KIR3DL3: variants seen among roughly 807,000 people sequenced by gnomAD.
The protein encoded by KIR3DL3 is killer cell immunoglobulin like receptor, three Ig domains and long cytoplasmic tail 3, also known as killer cell immunoglobulin-like receptor 3DL3.
A neutral mutation model predicts 34.9 loss-of-function variants in KIR3DL3; 27 were observed. The ratio of observed to expected loss-of-function variants is 0.77; its 90% CI spans 0.57 to 1.07. The LOEUF (loss-of-function observed/expected upper bound fraction) is 1.07. KIR3DL3 is among the 50% of genes least tolerant of loss of function. KIR3DL3 has a pLI of 0.00. For synonymous variants in KIR3DL3, 217 were observed against 200.2 expected, an observed-to-expected ratio of 1.08 and a Z score of -0.71; for missense variants, 681 against 528.5, an observed-to-expected ratio of 1.29 and a Z score of -2.83.
At chr19:54,731,423 G>A (rs1341526094) in intron 5 of KIR3DL3, among the ~76,000 whole-genome samples, 14 of 151,458 alleles carry the variant, frequency 9.2e-5, no homozygotes, top group East Asian at 3.9e-4. Flanking sequence ...AGCAAGAGAC[G>A]TGCAGTAAGA....
intron 5 of KIR3DL3, 102 bp downstream of exon 5, chr19:54,729,888 G>A: frequency 1.7e-6 from 2 of 1,146,718 alleles, no homozygotes; most frequent in Non-Finnish European, 1.2e-6. Flanking sequence ...TGCCGAGACA[G>A]AACACACAGC....
intron 2 of KIR3DL3, 118 bp downstream of exon 2, chr19:54,725,400 G>A (rs1235135932): frequency 1.2e-6 from 1 of 832,804 alleles, no homozygotes; most frequent in East Asian, 2.6e-5. Flanking sequence ...AGCCATGTGG[G>A]AATCTCTCAT....
Position 54,727,670 on chromosome 19 carries a change from A to G in KIR3DL3, c.415A>G (p.Thr139Ala), listed in dbSNP as rs1267701462. 6.2e-7 allele frequency: 1 copy of G among 1,611,772 alleles called. No homozygotes were observed. The highest frequency in any genetic ancestry group is 8.5e-7 in the Non-Finnish European group (1 of 1,179,340). Residue 139 changes from threonine to alanine, a missense_variant, in exon 4 of 8, where the codon ACG becomes GCG. Transcript: ENST00000291860. ...HPGPLVKSGE[T>A]VILQCWSDVR... ...AGGTCCCCTGGTGAAATCAGGAGAG[A>G]CGGTCATCCTGCAATGTTGGTCAGA...
chr19:54,736,294 C>A lies in KIR3DL3; in HGVS notation c.*198C>A, dbSNP rs2069607619. 1 of 714,112 alleles carries A rather than the reference C, an allele frequency of 1.4e-6. No homozygotes were observed. The highest frequency in any genetic ancestry group is 2.4e-6 in the Non-Finnish European group (1 of 418,122). 44.2% of individuals were successfully genotyped at this position (714,112 alleles called of 1,614,324 possible). A position where few individuals can be genotyped will look rare whatever the true frequency, so the allele number is the denominator to read the frequency against. ...CATCGCTCTTCCTCACACCACGAAT[C>A]TGAACATGCCTCTCTCTTGCTTACA... On this transcript the variant is annotated 3_prime_UTR_variant, in exon 8 of 8. Coordinates refer to ENST00000291860, the MANE Select transcript of KIR3DL3 (RefSeq NM_153443.5).
intron 2 of KIR3DL3, 22 bp from the exon 3 acceptor site, chr19:54,726,031 G>T (rs2068121372): frequency 1.9e-6 from 3 of 1,556,580 alleles, no homozygotes; most frequent in Middle Eastern, 1.7e-4. Flanking sequence ...CCTCTCTAAG[G>T]TGGTGCCTCC....
chr19:54,736,162 G>T lies in KIR3DL3; in HGVS notation c.*66G>T, dbSNP rs2069583823. ...TTCTGTCCACTAGCACCACAGTCAG[G>T]CCTTGATGGGATCTTCTAGGGAGAC... On this transcript the variant is annotated 3_prime_UTR_variant, in exon 8 of 8. Transcript: ENST00000291860. The T allele has an allele frequency of 8.8e-6, 14 of 1,593,418 alleles. No individual in the cohort carries two copies. The South Asian group carries it at 1.6e-4, about 18-fold the overall frequency.
chr19:54,726,261 C>G lies in KIR3DL3; in HGVS notation c.279C>G (p.Tyr93Ter), dbSNP rs1183869973. The G allele has an allele frequency of 6.2e-7, 1 of 1,613,844 alleles. No homozygotes were observed. Among genetic ancestry groups the G allele is most frequent in the Non-Finnish European group, 8.5e-7 (1 of 1,179,990 alleles). Residue 93 changes from tyrosine (Y) to a stop codon, truncating the protein, a stop_gained, in exon 3 of 8, where the codon TAC becomes TAG. Transcript: ENST00000291860. LOFTEE classifies it high-confidence loss of function. ...GPVTPAHAGTYRCCSSHPHSP... is the reference protein window; with the variant it reads ...GPVTPAHAGT ...TGACCCCAGCACATGCAGGGACCTA[C>G]AGATGTTGCAGTTCACACCCACACT...
Position 54,727,715 on chromosome 19 carries a change from C to A in KIR3DL3, c.460C>A (p.Leu154Ile). ...CWSDVRFERF[L>I]LHREGITEDP... is the part of the protein sequence containing the mutation. Reference sequence around the variant, plus strand: ...GTCAGATGTCAGGTTTGAGCGCTTCCTTCTGCACAGAGAGGGGATCACTGA... The same window carrying A: ...GTCAGATGTCAGGTTTGAGCGCTTCATTCTGCACAGAGAGGGGATCACTGA... The change falls in exon 4 of 8, where the codon CTT (leucine) becomes ATT (isoleucine). Residue 154 changes from leucine to isoleucine, a missense_variant. Coordinates refer to ENST00000291860, the MANE Select transcript of KIR3DL3 (RefSeq NM_153443.5). 8.1e-6 allele frequency: 13 copies of A among 1,613,098 alleles called. No individual in the cohort carries two copies. The highest frequency in any genetic ancestry group is 1.1e-5 in the Non-Finnish European group (13 of 1,179,794).
chr19:54,725,471 C>A (rs2068067598), intron 2 of KIR3DL3, among the ~76,000 whole-genome samples, 189 bp downstream of exon 2: 1 of 152,180 alleles, frequency 6.6e-6, no homozygotes, highest in South Asian at 2.1e-4. Flanking sequence ...CCTCCCCGGC[C>A]TTTCTTTCCC....
Position 54,735,912 on chromosome 19 carries a change from C to T in KIR3DL3, c.1107+40C>T, listed in dbSNP as rs368118194. 2.9e-3 allele frequency: 4,705 copies of T among 1,605,688 alleles called. 25 individuals carry two copies. The highest frequency in any genetic ancestry group is 3.6e-3 in the Non-Finnish European group (4,259 of 1,177,488). On this transcript the variant is annotated intron_variant, in intron 7 of 7. Coordinates refer to ENST00000291860, the MANE Select transcript of KIR3DL3 (RefSeq NM_153443.5). ...GCCCAGCCTCGTGGCTAGTCTTATT[C>T]CCAAAGAGTCCTGGAAAATGTGAGC... is the stretch of plus-strand genomic sequence containing the variant.
At chr19:54,731,472 A>C (rs1412554392) in intron 5 of KIR3DL3, among the ~76,000 whole-genome samples, 14 of 150,980 alleles carry the variant, frequency 9.3e-5, no homozygotes, top group Admixed American at 8.0e-4. Context: ...ACTTCCACTC[A>C]CTCACTCGTT....
Position 54,726,069 on chromosome 19 carries a change from C to T in KIR3DL3, c.87C>T (p.Pro29=). The T allele has an allele frequency of 6.2e-7, 1 of 1,612,450 alleles. No homozygotes were observed. The highest frequency in any genetic ancestry group is 8.5e-7 in the Non-Finnish European group (1 of 1,178,904). Residue 29 remains proline, a synonymous_variant, in exon 3 of 8, where the codon CCC becomes CCT. Coordinates refer to ENST00000291860, the MANE Select transcript of KIR3DL3 (RefSeq NM_153443.5). ...CTCCCCCAGGTGGTCAGGACAAGCCCTTCCTCTCTGCCTGGCCCGGCACTG... is the reference window on the plus strand; with the variant it reads ...CTCCCCCAGGTGGTCAGGACAAGCCTTTCCTCTCTGCCTGGCCCGGCACTG... ...PWPHVGGQDK[P]FLSAWPGTVV...
At position 54,735,033 on chromosome 19, in the gene KIR3DL3, G is replaced by T. The variant is rs111813709; in HGVS notation, c.950-220G>T. Reference sequence around the variant, plus strand: ...TCTGGGGGTTACATTTCAATGTGAGGTTTGAAGGGGTCAAACATCTAAACT... The same window carrying T: ...TCTGGGGGTTACATTTCAATGTGAGTTTTGAAGGGGTCAAACATCTAAACT... On this transcript the variant is annotated intron_variant, in intron 5 of 7. Transcript: ENST00000291860. Among the ~76,000 whole-genome samples, 1,175 of 141,182 alleles carry T rather than the reference G, an allele frequency of 8.3e-3. 24 individuals are homozygous for T. The highest frequency in any genetic ancestry group is 0.03 in the African/African-American group (1,122 of 37,054). The allele number at this position is 141,182 out of a possible 152,430, so 92.6% of individuals were successfully genotyped here.
intron 5 of KIR3DL3, among the ~76,000 whole-genome samples, 157 bp from the exon 6 acceptor site, chr19:54,735,096 C>CTAT (rs2069329098): frequency 6.3e-3 from 810 of 127,960 alleles, no homozygotes; most frequent in South Asian, 0.015. Context: ...ATGGTTACTA[C>CTAT]AACTGAGAAA....
intron 5 of KIR3DL3, among the ~76,000 whole-genome samples, chr19:54,732,253 G>C (rs373021156): frequency 1.1e-5 from 1 of 90,902 alleles, no homozygotes; most frequent in Non-Finnish European, 2.5e-5. Flanking sequence ...TGTGTTTTTT[G>C]TTTTCTTTTT....
intron 3 of KIR3DL3, among the ~76,000 whole-genome samples, chr19:54,727,095 G>T (rs2068265266): frequency 1.4e-5 from 2 of 138,054 alleles, no homozygotes; most frequent in African/African-American, 5.4e-5. Flanking sequence ...GGGAGGGGTT[G>T]ATGCTCCTGG....
chr19:54,734,983 A>C (rs2159663), intron 5 of KIR3DL3, among the ~76,000 whole-genome samples: 27,123 of 110,570 alleles, frequency 0.25, 3,102 homozygotes, highest in South Asian at 0.3. Context: ...GACCCAAACA[A>C]CTCCCAAGAG....
intron 3 of KIR3DL3, among the ~76,000 whole-genome samples, chr19:54,726,560 G>A (rs776921836): frequency 6.2e-5 from 9 of 145,694 alleles, no homozygotes; most frequent in Non-Finnish European, 9.2e-5. Flanking sequence ...TATAGGGCAG[G>A]GGACTGAAGA....
intron 5 of KIR3DL3, among the ~76,000 whole-genome samples, chr19:54,730,346 G>T (rs1198652854): frequency 1.3e-5 from 2 of 149,144 alleles, no homozygotes; most frequent in African/African-American, 2.5e-5. Context: ...TTGAGATCAG[G>T]GGCTCAAGAC....
Sources: allele counts gnomAD v4.1 joint callset (sites outside exome capture counted in the v4.1 genomes callset), GRCh38; gene constraint gnomAD v4.1.1; transcripts MANE v1.5; gene names NCBI Gene and HGNC (gene_info 2026-07-23, HGNC 2026-07-21).